GPC5: variants seen among roughly 807,000 people sequenced by gnomAD.
GPC5 encodes glypican-5.
In GPC5, 47 loss-of-function variants were observed where a neutral mutation model predicts 53.9. That is an observed-to-expected ratio of 0.87 (90% CI 0.69 to 1.11). The LOEUF (loss-of-function observed/expected upper bound fraction) is 1.11. Ranked by LOEUF, GPC5 falls within the 50% of genes most tolerant of loss-of-function variation. The pLI is 0.00. For synonymous variants in GPC5, 286 were observed against 263.3 expected, an observed-to-expected ratio of 1.09 and a Z score of -0.84; for missense variants, 748 against 713.1, an observed-to-expected ratio of 1.05 and a Z score of -0.56.
At chr13:91,567,393 A>G (rs2031582039) in intron 2 of GPC5, among the ~76,000 whole-genome samples, 1 of 152,146 alleles carries the variant, frequency 6.6e-6, no homozygotes, top group African/African-American at 2.4e-5. Flanking sequence ...CTAATTGAAA[A>G]TGGTGTTTTT....
At chr13:92,607,531 A>G (rs1884295310) in intron 7 of GPC5, among the ~76,000 whole-genome samples, 1 of 152,142 alleles carries the variant, frequency 6.6e-6, no homozygotes, top group African/African-American at 2.4e-5. Context: ...TCTCCCTCTA[A>G]TGGAAGAGAC....
At chr13:92,209,358 G>A (rs2042358877) in intron 7 of GPC5, among the ~76,000 whole-genome samples, 1 of 152,094 alleles carries the variant, frequency 6.6e-6, no homozygotes, top group Non-Finnish European at 1.5e-5. Flanking sequence ...GGGAATATTA[G>A]GTCACCAAAT....
intron 5 of GPC5, among the ~76,000 whole-genome samples, chr13:91,798,989 T>A (rs1257708616): frequency 6.6e-6 from 1 of 152,210 alleles, no homozygotes; most frequent in Non-Finnish European, 1.5e-5. Context: ...CATATGTTTA[T>A]TGGCCACATG....
intron 2 of GPC5, among the ~76,000 whole-genome samples, chr13:91,512,338 A>G (rs137950681): frequency 6.6e-6 from 1 of 152,018 alleles, no homozygotes; most frequent in African/African-American, 2.4e-5. Context: ...TTTCTGTCCT[A>G]TTCTTCTGTC....
chr13:92,841,890 C>T (rs1316230716), intron 7 of GPC5, among the ~76,000 whole-genome samples: 1 of 152,100 alleles, frequency 6.6e-6, no homozygotes, highest in Non-Finnish European at 1.5e-5. Flanking sequence ...TATTGCTTGA[C>T]ATGTTCCTCT....
In GPC5 at chr13:92,785,776, C is replaced by G. The variant is rs370070786; in HGVS notation, c.1562-80506C>G. 6.6e-5 allele frequency among the ~76,000 whole-genome samples: 10 copies of G among 152,264 alleles called. No homozygotes were observed. In the East Asian group the frequency reaches 1.4e-3, roughly 21 times the overall value. ...TGTGTAAGTCCAGGTCTGCAATTTA[C>G]TGTGTAAATTTGGACAGCACTTCTC... On this transcript the variant is annotated intron_variant, in intron 7 of 7. Coordinates refer to ENST00000377067, the MANE Select transcript of GPC5 (RefSeq NM_004466.6).
chr13:91,603,951 T>TA (rs1436436268), intron 2 of GPC5, among the ~76,000 whole-genome samples: 1 of 140,636 alleles, frequency 7.1e-6, no homozygotes, highest in Non-Finnish European at 1.5e-5. Flanking sequence ...TCTTACTAGT[T>TA]TTTTTTTTTA....
At chr13:92,663,631 T>C (rs896707955) in intron 7 of GPC5, among the ~76,000 whole-genome samples, 1 of 140,644 alleles carries the variant, frequency 7.1e-6, no homozygotes, top group Non-Finnish European at 1.5e-5. Flanking sequence ...ATATATACTA[T>C]ATATACACAC....
At chr13:92,700,770 T>C (rs1295107970) in intron 7 of GPC5, among the ~76,000 whole-genome samples, 1 of 152,090 alleles carries the variant, frequency 6.6e-6, no homozygotes, top group Non-Finnish European at 1.5e-5. Flanking sequence ...TTGACAGATG[T>C]GTTTTCTTGC....
chr13:92,163,984 C>T (rs2042009371), intron 7 of GPC5, among the ~76,000 whole-genome samples: 1 of 152,084 alleles, frequency 6.6e-6, no homozygotes, highest in South Asian at 2.1e-4. Context: ...GTGGGAAAAG[C>T]CCCTCACAAA....
intron 2 of GPC5, among the ~76,000 whole-genome samples, chr13:91,587,799 C>T (rs977049764): frequency 6.6e-6 from 1 of 152,164 alleles, no homozygotes; most frequent in African/African-American, 2.4e-5. Context: ...ACAGAATGTA[C>T]TCAAGACACC....
At chr13:92,280,614 T>G (rs943389211) in intron 7 of GPC5, among the ~76,000 whole-genome samples, 2 of 152,226 alleles carry the variant, frequency 1.3e-5, no homozygotes, top group African/African-American at 4.8e-5. Flanking sequence ...AAAATTTATT[T>G]GCTGAATTCC....
In GPC5 at chr13:92,731,352, G is replaced by A. The variant is rs1218951066; in HGVS notation, c.1562-134930G>A. Among the ~76,000 whole-genome samples the A allele has an allele frequency of 2.0e-5, 3 of 151,600 alleles. No individual in the cohort carries two copies. In the East Asian group the frequency reaches 5.8e-4, roughly 29 times the overall value. Reference sequence around the variant, plus strand: ...TATTTAATAAAACAAAAATACAGTGGTGACTGTGGAAAGTTAATTATGAAA... The same window carrying A: ...TATTTAATAAAACAAAAATACAGTGATGACTGTGGAAAGTTAATTATGAAA... On this transcript the variant is annotated intron_variant, in intron 7 of 7. Coordinates refer to ENST00000377067, the MANE Select transcript of GPC5 (RefSeq NM_004466.6).
rs902338624 is a variant in GPC5, at chr13:91,399,034, C to G, written c.-13C>G. Reference sequence around the variant, plus strand: ...GGGTCCACTGGCGGGTAAAGGGGACCAGGACGGCGAGGATGGACGCACAGA... The same window carrying G: ...GGGTCCACTGGCGGGTAAAGGGGACGAGGACGGCGAGGATGGACGCACAGA... On this transcript the variant is annotated 5_prime_UTR_variant, in exon 1 of 8. Transcript: ENST00000377067. 11 of 1,541,202 alleles carry G rather than the reference C, an allele frequency of 7.1e-6. No homozygotes were observed. The highest frequency in any genetic ancestry group is 2.0e-5 in the Admixed American group (1 of 50,476).
At chr13:92,486,083 T>TTAA (rs1227691927) in intron 7 of GPC5, among the ~76,000 whole-genome samples, 6 of 152,246 alleles carry the variant, frequency 3.9e-5, no homozygotes, top group Non-Finnish European at 8.8e-5. Flanking sequence ...GATTTCCTTA[T>TTAA]TAATACATGC....
intron 7 of GPC5, among the ~76,000 whole-genome samples, chr13:92,598,564 G>A (rs9584048): frequency 0.3 from 44,818 of 151,878 alleles, 6,845 homozygotes; most frequent in Middle Eastern, 0.37. Context: ...CTATGAAATA[G>A]TAAAAAATAA....
chr13:92,729,364 T>C (rs994858633), intron 7 of GPC5, among the ~76,000 whole-genome samples: 2 of 151,416 alleles, frequency 1.3e-5, no homozygotes, highest in African/African-American at 4.8e-5. Context: ...ATGTAATTAG[T>C]AGAAATTGGG....
chr13:91,609,779 A>G (rs756545466), intron 2 of GPC5, among the ~76,000 whole-genome samples: 9 of 152,180 alleles, frequency 5.9e-5, no homozygotes, highest in Non-Finnish European at 8.8e-5. Context: ...ACGCCAGAGT[A>G]AACTTTGCTC....
At chr13:91,665,080 A>T (rs2035075765) in intron 2 of GPC5, among the ~76,000 whole-genome samples, 1 of 152,264 alleles carries the variant, frequency 6.6e-6, no homozygotes, top group Admixed American at 6.5e-5. Context: ...AAATATTCTC[A>T]TTAAAAGAAA....
Sources: allele counts gnomAD v4.1 joint callset (sites outside exome capture counted in the v4.1 genomes callset), GRCh38; gene constraint gnomAD v4.1.1; transcripts MANE v1.5; gene names NCBI Gene and HGNC (gene_info 2026-07-23, HGNC 2026-07-21).